CPPED1: variants seen among roughly 807,000 people sequenced by gnomAD.
CPPED1 encodes the protein calcineurin like phosphoesterase domain containing 1, also known as serine/threonine-protein phosphatase CPPED1.
CPPED1 carries 28 observed loss-of-function variants against 28.0 expected under a neutral mutation model. The observed-to-expected ratio is 1.00, with a 90% CI of 0.74 to 1.37. CPPED1 has a LOEUF of 1.37. Among genes scored for constraint, CPPED1 ranks in the 40% most tolerant of loss-of-function variants. CPPED1 has a pLI of 0.00. For synonymous variants in CPPED1, 198 were observed against 180.2 expected (o/e 1.10, Z -0.79); for missense variants, 504 against 416.5 (o/e 1.21, Z -1.83).
chr16:12,722,527 C>T (rs1287959009), intron 2 of CPPED1, among the ~76,000 whole-genome samples: 2 of 152,146 alleles, frequency 1.3e-5, no homozygotes, highest in Admixed American at 1.3e-4. Context: ...CGCTGGAGCC[C>T]CAGAGTTCAG....
intron 2 of CPPED1, among the ~76,000 whole-genome samples, chr16:12,771,813 A>T (rs1053289508): frequency 6.6e-5 from 10 of 152,176 alleles, no homozygotes; most frequent in African/African-American, 1.9e-4. Flanking sequence ...CTATACATTC[A>T]TTACAGAATT....
At chr16:12,711,037 T>C (rs1036519233) in intron 2 of CPPED1, among the ~76,000 whole-genome samples, 2 of 152,218 alleles carry the variant, frequency 1.3e-5, no homozygotes, top group African/African-American at 2.4e-5. Context: ...TGTACACCTA[T>C]GCTCACAGTA....
intron 3 of CPPED1, among the ~76,000 whole-genome samples, chr16:12,696,501 C>T (rs867752068): frequency 6.3e-5 from 9 of 142,394 alleles, no homozygotes; most frequent in Non-Finnish European, 9.0e-5. Context: ...AATGCAGTGG[C>T]GTGATCTCGG....
intron 2 of CPPED1, among the ~76,000 whole-genome samples, chr16:12,706,187 C>T (rs557375767): frequency 6.6e-6 from 1 of 151,994 alleles, no homozygotes; most frequent in Admixed American, 6.5e-5. Context: ...ATATAAGGCA[C>T]AGAGGAATAA....
chr16:12,681,179 G>A (rs749116338), intron 3 of CPPED1, among the ~76,000 whole-genome samples: 2 of 135,104 alleles, frequency 1.5e-5, no homozygotes, highest in Non-Finnish European at 3.0e-5. Context: ...GCCCCCCAAC[G>A]TTTAAGTGTT....
intron 3 of CPPED1, among the ~76,000 whole-genome samples, chr16:12,698,114 C>T (rs1165851916): frequency 6.6e-6 from 1 of 151,888 alleles, no homozygotes; most frequent in African/African-American, 2.4e-5. Flanking sequence ...TGACCCCAAC[C>T]CCCACCAAAA....
At chr16:12,717,475 A>G (rs1596458142) in intron 2 of CPPED1, among the ~76,000 whole-genome samples, 2 of 152,316 alleles carry the variant, frequency 1.3e-5, no homozygotes, top group East Asian at 3.9e-4. Flanking sequence ...CGTGTTAGCC[A>G]GGATGGTCTC....
At chr16:12,770,902 C>A (rs374110196) in intron 2 of CPPED1, among the ~76,000 whole-genome samples, 1 of 42,172 alleles carries the variant, frequency 2.4e-5, no homozygotes, top group African/African-American at 8.9e-5. Context: ...AGGGGCGGGG[C>A]GGGGCTGGGA....
intron 3 of CPPED1, among the ~76,000 whole-genome samples, chr16:12,684,223 T>C (rs915889259): frequency 3.3e-5 from 5 of 152,138 alleles, no homozygotes; most frequent in African/African-American, 4.8e-5. Flanking sequence ...CTTTCTCAAA[T>C]GCAAAACCTG....
intron 3 of CPPED1, among the ~76,000 whole-genome samples, chr16:12,686,841 G>A (rs1567275708): frequency 6.6e-6 from 1 of 152,170 alleles, no homozygotes; most frequent in Non-Finnish European, 1.5e-5. Context: ...ACTTGTGGCT[G>A]AAGAGATTTA....
Position 12,664,094 on chromosome 16 carries a change from C to T in CPPED1, c.*792G>A, listed in dbSNP as rs2079811543. 1 of 152,108 alleles carries T rather than the reference C, an allele frequency of 6.6e-6. No homozygotes were observed. Among genetic ancestry groups the T allele is most frequent in the Non-Finnish European group, 1.5e-5 (1 of 68,058 alleles). 9.4% of individuals were successfully genotyped at this position (152,108 alleles called of 1,614,324 possible). On this transcript the variant is annotated 3_prime_UTR_variant, in exon 4 of 4. Transcript: ENST00000381774. This position sits in a 1 kb window ranked among gnomAD's most constrained non-coding sequence, Gnocchi z 4.2. Reference sequence around the variant, plus strand: ...GGGCATTCTGATCCCAAGAGACCACCCATCTGTGGAGTGGCTACACAGCCA... The same window carrying T: ...GGGCATTCTGATCCCAAGAGACCACTCATCTGTGGAGTGGCTACACAGCCA...
At chr16:12,754,588 G>C (rs2080352595) in intron 2 of CPPED1, among the ~76,000 whole-genome samples, 1 of 152,200 alleles carries the variant, frequency 6.6e-6, no homozygotes, top group Non-Finnish European at 1.5e-5. Context: ...CTCCTGCATA[G>C]TCTATTTATA....
Position 12,664,374 on chromosome 16 carries a change from G to C in CPPED1, c.*512C>G, listed in dbSNP as rs1231044347. The C allele has an allele frequency of 2.0e-6, 2 of 996,630 alleles. No individual in the cohort carries two copies. Among genetic ancestry groups the C allele is most frequent in the Non-Finnish European group, 2.4e-6 (2 of 837,974 alleles). 61.7% of individuals were successfully genotyped at this position (996,630 alleles called of 1,614,324 possible). Reference sequence around the variant, plus strand: ...CTCCTTGTCAAAATAAGTCTGCATGGCTCTCACAACAAGGGAGACAGCTGT... The same window carrying C: ...CTCCTTGTCAAAATAAGTCTGCATGCCTCTCACAACAAGGGAGACAGCTGT... On this transcript the variant is annotated 3_prime_UTR_variant, in exon 4 of 4. Transcript: ENST00000381774. This position sits in a 1 kb window ranked among gnomAD's most constrained non-coding sequence, Gnocchi z 4.2.
intron 3 of CPPED1, among the ~76,000 whole-genome samples, chr16:12,676,876 T>C (rs1262652664): frequency 3.9e-5 from 6 of 152,220 alleles, no homozygotes; most frequent in African/African-American, 1.4e-4. Flanking sequence ...GAAGGAGGCA[T>C]GGTTATTACC....
chr16:12,681,955 G>A (rs552466008), intron 3 of CPPED1, among the ~76,000 whole-genome samples: 74 of 152,264 alleles, frequency 4.9e-4, no homozygotes, highest in Admixed American at 4.0e-3. Flanking sequence ...ACAGCCTTGA[G>A]AGTGTGATTA....
rs1053893685 is a variant in CPPED1, at chr16:12,744,533, G to A, written c.289+36652C>T. Among the ~76,000 whole-genome samples, 25 of 152,274 alleles carry A rather than the reference G, an allele frequency of 1.6e-4. 1 individual carries two copies. Among genetic ancestry groups the A allele is most frequent in the Admixed American group, 1.5e-3 (23 of 15,292 alleles). ...AGCAGGCTACGGCAGCCAGTGACCC[G>A]TAAGAGACAGGACGCTAGTGAGACA... is the stretch of plus-strand genomic sequence containing the variant. On this transcript the variant is annotated intron_variant, in intron 2 of 3. Coordinates refer to ENST00000381774, the MANE Select transcript of CPPED1 (RefSeq NM_018340.3).
rs946586858 is a variant in CPPED1, at chr16:12,742,060, C to T, written c.290-37011G>A. Among the ~76,000 whole-genome samples the T allele has an allele frequency of 6.2e-5, 9 of 144,734 alleles. No homozygotes were observed. In the East Asian group the frequency reaches 8.0e-4, roughly 13 times the overall value. The allele number at this position is 144,734 out of a possible 152,430, so 95.0% of individuals were successfully genotyped here. A position where few individuals can be genotyped will look rare whatever the true frequency, so the allele number is the denominator to read the frequency against. The stretch of plus-strand genomic sequence containing the variant: ...CAGCCTAGGTGACAGAACAAGGCTC[C>T]GTTTCAGAAAATAAAATAAAATAAA... On this transcript the variant is annotated intron_variant, in intron 2 of 3. Coordinates refer to ENST00000381774, the MANE Select transcript of CPPED1 (RefSeq NM_018340.3).
At chr16:12,714,970 T>A (rs113796311) in intron 2 of CPPED1, among the ~76,000 whole-genome samples, 12 of 147,654 alleles carry the variant, frequency 8.1e-5, no homozygotes, top group South Asian at 4.3e-4. Context: ...TTTTTTTTTT[T>A]AATATGGTGT....
chr16:12,726,250 C>G (rs1377368715), intron 2 of CPPED1, among the ~76,000 whole-genome samples: 1 of 151,476 alleles, frequency 6.6e-6, no homozygotes, highest in Non-Finnish European at 1.5e-5. Flanking sequence ...CTGTGTTGGC[C>G]AAGCTGGTCT....
Sources: allele counts gnomAD v4.1 joint callset (sites outside exome capture counted in the v4.1 genomes callset), GRCh38; gene constraint gnomAD v4.1.1; non-coding constraint Gnocchi (gnomAD v3.1); transcripts MANE v1.5; gene names NCBI Gene and HGNC (gene_info 2026-07-23, HGNC 2026-07-21).